The following PCCB variants were observed in gnomAD, a reference collection of about 807,000 sequenced individuals.
PCCB encodes the protein propionyl-CoA carboxylase subunit beta.
In PCCB, 43 loss-of-function variants were observed where a neutral mutation model predicts 60.7. That is an observed-to-expected ratio of 0.71 (90% CI 0.55 to 0.91). The LOEUF (loss-of-function observed/expected upper bound fraction) is 0.91, where lower values mean the gene tolerates loss of function less well. Ranked by LOEUF, PCCB falls within the 40% of genes least tolerant of loss-of-function variation. The probability of loss-of-function intolerance (pLI) is 0.00; values close to 1 mark genes in which losing one functional copy is unlikely to be tolerated. For missense variants in PCCB, 766 were observed against 702.8 expected, an observed-to-expected ratio of 1.09 and a Z score of -1.02; for synonymous variants, 276 against 255.9, an observed-to-expected ratio of 1.08 and a Z score of -0.75.
intron 5 of PCCB, among the ~76,000 whole-genome samples, chr3:136,272,667 T>C (rs796151864): frequency 2.4e-4 from 37 of 152,316 alleles, no homozygotes; most frequent in African/African-American, 8.9e-4. Context: ...GAGTGATCTT[T>C]TGTATTTCTA....
intron 5 of PCCB, among the ~76,000 whole-genome samples, chr3:136,275,157 G>A (rs1032899886): frequency 6.6e-6 from 1 of 152,018 alleles, no homozygotes; most frequent in Non-Finnish European, 1.5e-5. Flanking sequence ...GTCTGATTGG[G>A]TTAATTTGAA....
rs755024380 is a variant in PCCB, at chr3:136,327,636, C to G, written c.1302C>G (p.Ala434=). ...CTCAGCATTTGGATCTGTTTTAGGC[C>G]TATGGAGGTGCCTATGATGTCATGA... is the stretch of plus-strand genomic sequence containing the variant. The part of the protein sequence containing the change: ...VPKVTVITRK[A]YGGAYDVMSS... The change falls in exon 13 of 15, where the codon GCC becomes GCG. Residue 434 remains alanine, a splice_region_variant and synonymous_variant. Coordinates refer to ENST00000251654, the MANE Select transcript of PCCB (RefSeq NM_000532.5). 1.2e-6 allele frequency: 2 copies of G among 1,611,374 alleles called. No homozygotes were observed. The highest frequency in any genetic ancestry group is 3.3e-5 in the Admixed American group (2 of 60,000).
chr3:136,316,074 CT>C (rs1051208719), intron 9 of PCCB, among the ~76,000 whole-genome samples: 41 of 151,724 alleles, frequency 2.7e-4, no homozygotes, highest in African/African-American at 9.2e-4. Flanking sequence ...AAAAAATTAA[CT>C]GAGCATGGTG....
rs1266153682 is a variant in PCCB, at chr3:136,303,211, C to G, written c.966+2100C>G. ...GAATCATAGTTGTGATTCTGGGCAT[C>G]TTTGTATTGTTTGTAAGTTTAGCAA... is the stretch of plus-strand genomic sequence containing the variant. On this transcript the variant is annotated intron_variant, in intron 9 of 14. Transcript: ENST00000251654. 1.6e-5 allele frequency among the ~76,000 whole-genome samples: 2 copies of G among 122,968 alleles called. 1 individual carries two copies. Among genetic ancestry groups the G allele is most frequent in the Non-Finnish European group, 3.6e-5 (2 of 55,066 alleles). The allele number at this position is 122,968 out of a possible 152,430, so 80.7% of individuals were successfully genotyped here.
chr3:136,298,792 C>CT (rs1326710795), intron 8 of PCCB, among the ~76,000 whole-genome samples: 4 of 152,242 alleles, frequency 2.6e-5, no homozygotes, highest in Non-Finnish European at 4.4e-5. Context: ...TAAGCACTCA[C>CT]TTGGCCTGGA....
At chr3:136,327,320 G>A (rs1465448243) in intron 12 of PCCB, 65 bp downstream of exon 12, 24 of 1,242,066 alleles carry the variant, frequency 1.9e-5, no homozygotes, top group Non-Finnish European at 2.7e-5. Context: ...GTGGTGGGAG[G>A]TCTGGCAGAG....
chr3:136,288,090 T>C (rs1473850147), intron 6 of PCCB, among the ~76,000 whole-genome samples: 1 of 152,228 alleles, frequency 6.6e-6, no homozygotes, highest in Non-Finnish European at 1.5e-5. Flanking sequence ...GTTGTCAATT[T>C]GCATTGACTC....
At chr3:136,305,567 G>A (rs1293739717) in intron 9 of PCCB, among the ~76,000 whole-genome samples, 2 of 117,056 alleles carry the variant, frequency 1.7e-5, no homozygotes, top group Non-Finnish European at 3.8e-5. Flanking sequence ...TGACCAACAC[G>A]GTGAAAACCT....
Position 136,317,082 on chromosome 3 carries a change from T to C in PCCB, c.1090+18T>C, listed in dbSNP as rs775309894. ...GGCCTCAGGTAGGATGGAGCTCTTA[T>C]AAGCCTTGGTTTTGGGGTTGGAGGC... On this transcript the variant is annotated intron_variant, in intron 10 of 14. Transcript: ENST00000251654. The C allele has an allele frequency of 9.9e-6, 16 of 1,613,976 alleles. No individual in the cohort carries two copies. The East Asian group carries it at 1.6e-4, about 16-fold the overall frequency.
At chr3:136,289,979 G>A (rs1933599695) in intron 6 of PCCB, among the ~76,000 whole-genome samples, 1 of 151,884 alleles carries the variant, frequency 6.6e-6, no homozygotes, top group Admixed American at 6.6e-5. Context: ...AATTGCACTT[G>A]GTCTTAGCCA....
chr3:136,292,286 T>G (rs931657124), intron 6 of PCCB, among the ~76,000 whole-genome samples: 1 of 152,130 alleles, frequency 6.6e-6, no homozygotes, highest in South Asian at 2.1e-4. Context: ...AACATTTGTT[T>G]AGAAGTCTGT....
chr3:136,290,671 G>GTTTTTGTTTTTTTTTTT (rs1276235479), intron 6 of PCCB, among the ~76,000 whole-genome samples: 3 of 60,046 alleles, frequency 5.0e-5, no homozygotes, highest in African/African-American at 7.5e-5. Context: ...TCTCTGTGTA[G>GTTTTTGTTTTTTTTTTT]TTTTTTTTTT....
chr3:136,264,440 G>GTGTA lies in PCCB; in HGVS notation c.543+2376_543+2377insGTAT. Reference sequence around the variant, plus strand: ...CTGTCTCTCATATATATGTGTGTGTGTATATATGTATATATATATATGTTC... The same window carrying GTGTA: ...CTGTCTCTCATATATATGTGTGTGTGTGTATATATATGTATATATATATATGTTC... On this transcript the variant is annotated intron_variant, in intron 5 of 14. Coordinates refer to ENST00000251654, the MANE Select transcript of PCCB (RefSeq NM_000532.5). 4.7e-4 allele frequency among the ~76,000 whole-genome samples: 58 copies of GTGTA among 123,728 alleles called. 4 individuals are homozygous for GTGTA. Among genetic ancestry groups the GTGTA allele is most frequent in the South Asian group, 7.9e-4 (3 of 3,800 alleles). The allele number at this position is 123,728 out of a possible 152,430, so 81.2% of individuals were successfully genotyped here.
At chr3:136,264,662 A>C (rs965446947) in intron 5 of PCCB, among the ~76,000 whole-genome samples, 5 of 151,140 alleles carry the variant, frequency 3.3e-5, no homozygotes, top group African/African-American at 1.2e-4. Flanking sequence ...TCACGAGGTC[A>C]GGAGATCAAG....
chr3:136,316,436 T>A (rs1307318802), intron 9 of PCCB, among the ~76,000 whole-genome samples: 1 of 152,046 alleles, frequency 6.6e-6, no homozygotes, highest in South Asian at 2.1e-4. Flanking sequence ...TGCCTCAGTC[T>A]CCTGAGTAGC....
chr3:136,256,342 G>T, intron 2 of PCCB: 1 of 605,996 alleles, frequency 1.7e-6, no homozygotes, highest in East Asian at 2.8e-5. Flanking sequence ...GGCCTAAGAT[G>T]ACAGTGCCAT....
Position 136,250,505 on chromosome 3 carries a change from C to G in PCCB, c.130C>G (p.Arg44Gly), listed in dbSNP as rs749210374. 3 of 1,613,006 alleles carry G rather than the reference C, an allele frequency of 1.9e-6. No individual in the cohort carries two copies. Among genetic ancestry groups the G allele is most frequent in the South Asian group, 1.1e-5 (1 of 91,004 alleles). Residue 44 changes from arginine (R) to glycine (G), a missense_variant, in exon 1 of 15, where the codon CGG (arginine) becomes GGG (glycine). By Grantham distance (125) the Arg-to-Gly change is moderately radical. Transcript: ENST00000251654. Reference sequence around the variant, plus strand: ...TAACGAACGCATCGAAAACAAGCGCCGGACCGCGCTGCTGGGAGGGGGCCA... The same window carrying G: ...TAACGAACGCATCGAAAACAAGCGCGGGACCGCGCTGCTGGGAGGGGGCCA... ...SVNERIENKR[R>G]TALLGGGQRR...
At chr3:136,319,831 T>C (rs2108229798) in intron 10 of PCCB, among the ~76,000 whole-genome samples, 1 of 152,382 alleles carries the variant, frequency 6.6e-6, no homozygotes, top group South Asian at 2.1e-4. Context: ...CTGAGAGTAT[T>C]ACGGTTTTAG....
intron 5 of PCCB, among the ~76,000 whole-genome samples, chr3:136,265,951 G>A (rs1941971059): frequency 6.6e-6 from 1 of 151,390 alleles, no homozygotes; most frequent in Admixed American, 6.6e-5. Flanking sequence ...TGAGCCTCCC[G>A]AGTAGCTGGG....
Sources: gnomAD v4.1 joint callset for allele counts (sites outside exome capture counted in the v4.1 genomes callset) on GRCh38, gnomAD v4.1.1 for gene constraint, MANE v1.5 for transcripts, NCBI Gene and HGNC (gene_info 2026-07-23, HGNC 2026-07-21) for gene names.